MCM3: variants seen among roughly 807,000 people sequenced by gnomAD.
MCM3 encodes minichromosome maintenance complex component 3, also known as DNA replication licensing factor MCM3.
A neutral mutation model predicts 91.3 loss-of-function variants in MCM3; 59 were observed. The observed-to-expected ratio is 0.65, with a 90% CI of 0.52 to 0.80. The LOEUF (loss-of-function observed/expected upper bound fraction) is 0.80. MCM3 is among the 30% of genes least tolerant of loss of function. MCM3 has a pLI of 0.00. For synonymous variants in MCM3, 383 were observed against 379.6 expected (o/e 1.01, Z -0.10); for missense variants, 919 against 1,035.4 (o/e 0.89, Z 1.54).
chr6:52,266,865 GT>G (rs1365617190), intron 14 of MCM3, among the ~76,000 whole-genome samples, 169 bp from the exon 15 acceptor site: 3 of 152,120 alleles, frequency 2.0e-5, no homozygotes. Flanking sequence ...ACGAGACCAA[GT>G]CCCCAGACTA....
chr6:52,278,070 C>CA (rs61625257), intron 6 of MCM3, among the ~76,000 whole-genome samples: 1,036 of 38,986 alleles, frequency 0.027, 203 homozygotes, highest in Admixed American at 0.13. Flanking sequence ...TCCGTCTCAC[C>CA]AAAAAAAAAA....
At chr6:52,281,383 A>AT (rs1212156696) in intron 4 of MCM3, among the ~76,000 whole-genome samples, 2 of 152,226 alleles carry the variant, frequency 1.3e-5, no homozygotes, top group African/African-American at 4.8e-5. Flanking sequence ...TAAAAAAATA[A>AT]TAAGAGTTGT....
chr6:52,277,613 A>C lies in MCM3; in HGVS notation c.955T>G (p.Cys319Gly). 1 of 1,613,968 alleles carries C rather than the reference A, an allele frequency of 6.2e-7. No homozygotes were observed. The highest frequency in any genetic ancestry group is 8.5e-7 in the Non-Finnish European group (1 of 1,179,874). Residue 319 changes from cysteine (C) to glycine (G), a missense_variant, in exon 7 of 17, where the codon TGC (cysteine) becomes GGC (glycine). Cys to Gly is a radical substitution (Grantham distance 159). Around this residue, in one of 3 missense-constraint regions of MCM3, gnomAD observed 401 missense variants for 402.7 expected, o/e 1.00. Transcript: ENST00000596288. ...GHDYVKKAIL[C>G]LLLGGVERDL... The stretch of plus-strand genomic sequence containing the variant: ...CGTTCCACCCCTCCCAAGAGCAAGC[A>C]GAGGATTGCTTTCTTGACATAGTCA...
At chr6:52,282,583 C>T (rs558150243) in intron 3 of MCM3, 70 bp downstream of exon 3, 130 of 1,470,030 alleles carry the variant, frequency 8.8e-5, no homozygotes, top group Non-Finnish European at 1.2e-4. Context: ...CCCAGATCTA[C>T]TTTGCCTCTC....
chr6:52,284,019 G>A (rs534859286), intron 1 of MCM3, among the ~76,000 whole-genome samples: 4 of 152,268 alleles, frequency 2.6e-5, no homozygotes, highest in African/African-American at 9.6e-5. Context: ...GAGAATCTCA[G>A]CTATTTGGTC....
At chr6:52,273,658 TACC>T in intron 10 of MCM3, 81 bp downstream of exon 10, 1 of 1,411,094 alleles carries the variant, frequency 7.1e-7, no homozygotes, top group Non-Finnish European at 9.7e-7. Flanking sequence ...CTGAAACACC[TACC>T]ACCACCTGGG....
At position 52,282,782 on chromosome 6, in the gene MCM3, A is replaced by AG. The variant is rs1486937320; in HGVS notation, c.270dup (p.Tyr91LeufsTer6). ...TAGAACTCCTCATACTGCTTGGCAT[A>AG]GGTAGCATCAATGGAGGCCACAAAA... On this transcript the variant is annotated frameshift_variant, in exon 3 of 17. Coordinates refer to ENST00000596288, the MANE Select transcript of MCM3 (RefSeq NM_002388.6). LOFTEE classifies it high-confidence loss of function. 6 of 1,614,008 alleles carry AG rather than the reference A, an allele frequency of 3.7e-6. No individual in the cohort carries two copies. The Admixed American group carries it at 1.0e-4, about 27-fold the overall frequency.
At chr6:52,265,067 C>T (rs985302888) in intron 16 of MCM3, among the ~76,000 whole-genome samples, 5 of 152,176 alleles carry the variant, frequency 3.3e-5, no homozygotes, top group Admixed American at 2.0e-4. Flanking sequence ...TTACTAAACC[C>T]TTAAAAGCGT....
At position 52,267,963 on chromosome 6, in the gene MCM3, C is replaced by T; in HGVS notation, c.1974G>A (p.Leu658=). 1.2e-6 allele frequency: 2 copies of T among 1,613,826 alleles called. No homozygotes were observed. The highest frequency in any genetic ancestry group is 1.7e-6 in the Non-Finnish European group (2 of 1,179,734). ...GCTTCTTACGTTTCTTCTCCTTCTC[C>T]AGAACCTAAGACCAAGGCAAGTGTG... ...LVQYAYFKKV[L]EKEKKRKKRS... Residue 658 remains leucine, a synonymous_variant, in exon 14 of 17, where the codon CTG becomes CTA. Transcript: ENST00000596288.
In MCM3 at chr6:52,272,414, T is replaced by G; in HGVS notation, c.1714A>C (p.Ile572Leu). The change falls in exon 12 of 17, where the codon ATC (isoleucine) becomes CTC (leucine). Residue 572 changes from isoleucine to leucine, a missense_variant. Transcript: ENST00000596288. ...MVSAAFMKKY[I>L]HVAKIIKPVL... is the part of the protein sequence containing the mutation. ...GGCTTGATGATTTTGGCCACATGGA[T>G]GTACTTCTTCATGAATGCTGCACTC... 1 of 1,614,158 alleles carries G rather than the reference T, an allele frequency of 6.2e-7. No individual in the cohort carries two copies. The highest frequency in any genetic ancestry group is 1.1e-5 in the South Asian group (1 of 91,082).
chr6:52,279,353 C>T lies in MCM3; in HGVS notation c.770+8G>A, dbSNP rs1187902261. 2.5e-6 allele frequency: 4 copies of T among 1,607,800 alleles called. No individual in the cohort carries two copies. The Admixed American group carries it at 5.0e-5, about 20-fold the overall frequency. Reference sequence around the variant, plus strand: ...AGCATTCCATATACTTTAAGGCAGACCCTTTACCTGAAGGTCCCAGAGGTG... The same window carrying T: ...AGCATTCCATATACTTTAAGGCAGATCCTTTACCTGAAGGTCCCAGAGGTG... On this transcript the variant is annotated splice_region_variant and intron_variant, in intron 5 of 16. Transcript: ENST00000596288.
intron 1 of MCM3, 60 bp from the exon 2 acceptor site, chr6:52,283,466 A>C: frequency 8.3e-7 from 1 of 1,211,894 alleles, no homozygotes; most frequent in East Asian, 2.3e-5. Flanking sequence ...GTTTCTAAAC[A>C]GAAGTAGTTC....
chr6:52,271,417 C>T (rs773411567), intron 12 of MCM3, among the ~76,000 whole-genome samples: 4 of 152,116 alleles, frequency 2.6e-5, no homozygotes, highest in East Asian at 3.9e-4. Context: ...CCAAGCCGGG[C>T]GGATCACCTG....
chr6:52,279,114 A>C (rs1330007817), intron 5 of MCM3, among the ~76,000 whole-genome samples: 5 of 152,174 alleles, frequency 3.3e-5, no homozygotes, highest in Non-Finnish European at 7.3e-5. Context: ...TTAAATGAGA[A>C]ACTCCCAGGA....
chr6:52,264,454 A>AGT lies in MCM3; in HGVS notation c.*133_*134insAC. 1.0e-6 allele frequency: 1 copy of AGT among 962,598 alleles called. No individual in the cohort carries two copies. Among genetic ancestry groups the AGT allele is most frequent in the Non-Finnish European group, 1.6e-6 (1 of 634,822 alleles). The allele number at this position is 962,598 out of a possible 1,614,324, so 59.6% of individuals were successfully genotyped here. A position where few individuals can be genotyped will look rare whatever the true frequency, so the allele number is the denominator to read the frequency against. ...TCCACCGAGTCCTGAACTCAGCTTCATCACCAACATTCCTCGCCTTCAGTT... is the reference window on the plus strand; with the variant it reads ...TCCACCGAGTCCTGAACTCAGCTTCAGTTCACCAACATTCCTCGCCTTCAGTT... On this transcript the variant is annotated 3_prime_UTR_variant, in exon 17 of 17. Coordinates refer to ENST00000596288, the MANE Select transcript of MCM3 (RefSeq NM_002388.6).
chr6:52,280,582 GCTCTTAAGCATCACCATAGACAAC>G (rs1766003480), intron 4 of MCM3, among the ~76,000 whole-genome samples: 1 of 152,208 alleles, frequency 6.6e-6, no homozygotes, highest in South Asian at 2.1e-4. Flanking sequence ...CAAAGCCCAC[GCTCTTAAGCATCACCATAGACAAC>G]CTCCAGAAGA....
chr6:52,265,447 C>CA (rs908321193), intron 16 of MCM3: 346 of 166,370 alleles, frequency 2.1e-3, no homozygotes, highest in South Asian at 7.3e-3. Flanking sequence ...ACTCCGGTCT[C>CA]AAAAAAAAAA....
intron 16 of MCM3, among the ~76,000 whole-genome samples, chr6:52,265,717 C>T (rs1386764412): frequency 6.6e-6 from 1 of 151,918 alleles, no homozygotes; most frequent in Non-Finnish European, 1.5e-5. Context: ...AAAAATTCTT[C>T]ATTTCAAAAA....
chr6:52,282,197 A>G (rs1159960320), intron 3 of MCM3, 22 bp from the exon 4 acceptor site: 3 of 1,613,742 alleles, frequency 1.9e-6, no homozygotes, highest in Non-Finnish European at 2.5e-6. Context: ...AAATGTGCAT[A>G]TATAAACTCA....
Sources: gnomAD v4.1 joint callset for allele counts (sites outside exome capture counted in the v4.1 genomes callset) on GRCh38, gnomAD v4.1.1 for gene constraint, gnomAD v4.1.1 regional missense constraint, MANE v1.5 for transcripts, NCBI Gene and HGNC (gene_info 2026-07-23, HGNC 2026-07-21) for gene names.